TWSG1: variants seen among roughly 807,000 people sequenced by gnomAD.
The protein encoded by TWSG1 is twisted gastrulation BMP signaling modulator 1, also known as twisted gastrulation protein homolog 1.
TWSG1 carries 15 observed loss-of-function variants against 23.0 expected under a neutral mutation model. That is an observed-to-expected ratio of 0.65 (90% CI 0.44 to 1.00). The LOEUF (loss-of-function observed/expected upper bound fraction) is 1.00. TWSG1 is among the 50% of genes least tolerant of loss of function. The pLI is 0.00. For missense variants in TWSG1, 242 were observed against 278.7 expected, an observed-to-expected ratio of 0.87 and a Z score of 0.94; for synonymous variants, 86 against 92.8, an observed-to-expected ratio of 0.93 and a Z score of 0.42.
Position 9,400,187 on chromosome 18 carries a change from C to G in TWSG1, c.*660C>G, listed in dbSNP as rs920407833. On this transcript the variant is annotated 3_prime_UTR_variant, in exon 5 of 5. Coordinates refer to ENST00000262120, the MANE Select transcript of TWSG1 (RefSeq NM_020648.6). ...TTTAGAGAAAGTTTCCTATTCTCTT[C>G]CATTTCCCCTGCCCAAAGTGCTGAC... 4 of 152,168 alleles carry G rather than the reference C, an allele frequency of 2.6e-5. No homozygotes were observed. Among genetic ancestry groups the G allele is most frequent in the African/African-American group, 9.7e-5 (4 of 41,420 alleles). The allele number at this position is 152,168 out of a possible 1,614,324, so 9.4% of individuals were successfully genotyped here.
rs150441835 is a variant in TWSG1, at chr18:9,385,628, G to T, written c.224-10652G>T. 8.4e-3 allele frequency among the ~76,000 whole-genome samples: 835 copies of T among 99,158 alleles called. 272 individuals are homozygous for T. Among genetic ancestry groups the T allele is most frequent in the African/African-American group, 0.037 (790 of 21,402 alleles). The allele number at this position is 99,158 out of a possible 152,430, so 65.1% of individuals were successfully genotyped here. A position where few individuals can be genotyped will look rare whatever the true frequency, so the allele number is the denominator to read the frequency against. Reference sequence around the variant, plus strand: ...GGCGTGAACCCGGGAAGCGGAGCTTGCAGTGAGCCGAGATTGCGCCACTGC... The same window carrying T: ...GGCGTGAACCCGGGAAGCGGAGCTTTCAGTGAGCCGAGATTGCGCCACTGC... On this transcript the variant is annotated intron_variant, in intron 3 of 4. Transcript: ENST00000262120.
chr18:9,390,352 G>C (rs1372318087), intron 3 of TWSG1, among the ~76,000 whole-genome samples: 1 of 152,056 alleles, frequency 6.6e-6, no homozygotes, highest in Non-Finnish European at 1.5e-5. Flanking sequence ...TAGTAGAGAC[G>C]GGGTTTCACC....
At chr18:9,365,264 G>A (rs1337389845) in intron 3 of TWSG1, among the ~76,000 whole-genome samples, 1 of 152,192 alleles carries the variant, frequency 6.6e-6, no homozygotes, top group Non-Finnish European at 1.5e-5. Context: ...CAAGGCTGCA[G>A]TGAGCTCTGA....
At chr18:9,358,326 C>T (rs1261514656) in intron 2 of TWSG1, among the ~76,000 whole-genome samples, 1 of 152,160 alleles carries the variant, frequency 6.6e-6, no homozygotes, top group Non-Finnish European at 1.5e-5. Context: ...GTTCAAATTC[C>T]TAACAGAGAT....
intron 3 of TWSG1, chr18:9,387,960 T>C (rs2040693621): frequency 6.6e-6 from 1 of 152,248 alleles, no homozygotes; most frequent in South Asian, 2.1e-4. Context: ...TCTCCAGATG[T>C]CTCAGTGTTT....
intron 2 of TWSG1, among the ~76,000 whole-genome samples, chr18:9,354,620 A>G (rs1347385156): frequency 6.6e-6 from 1 of 152,246 alleles, no homozygotes; most frequent in Non-Finnish European, 1.5e-5. Context: ...AGGTGTGGAA[A>G]GGATTAAGAA....
chr18:9,373,363 T>G (rs996181141), intron 3 of TWSG1, among the ~76,000 whole-genome samples: 3 of 150,218 alleles, frequency 2.0e-5, no homozygotes, highest in African/African-American at 7.3e-5. Context: ...ACCCTGTCTC[T>G]ACCAAAAAAA....
At chr18:9,371,371 A>T (rs1042563763) in intron 3 of TWSG1, among the ~76,000 whole-genome samples, 5 of 147,778 alleles carry the variant, frequency 3.4e-5, no homozygotes, top group Non-Finnish European at 7.4e-5. Context: ...ATCTTGGCTC[A>T]CTGCAACCTC....
intron 3 of TWSG1, among the ~76,000 whole-genome samples, chr18:9,366,189 T>A (rs967362648): frequency 1.3e-5 from 2 of 152,196 alleles, no homozygotes; most frequent in African/African-American, 4.8e-5. Context: ...TTTGCTATAC[T>A]TAATAAATTG....
At chr18:9,349,857 C>T (rs2040493652) in intron 2 of TWSG1, among the ~76,000 whole-genome samples, 1 of 152,010 alleles carries the variant, frequency 6.6e-6, no homozygotes, top group Admixed American at 6.6e-5. Context: ...GTTGTGGTGC[C>T]ATGGCTGGGT....
At chr18:9,386,014 C>T (rs550761990) in intron 3 of TWSG1, among the ~76,000 whole-genome samples, 2 of 151,614 alleles carry the variant, frequency 1.3e-5, no homozygotes, top group African/African-American at 2.4e-5. Context: ...ACTAAAAATA[C>T]AAAAATTAGC....
chr18:9,393,626 T>C (rs2040721897), intron 3 of TWSG1, among the ~76,000 whole-genome samples: 1 of 152,182 alleles, frequency 6.6e-6, no homozygotes. Flanking sequence ...GGCACAGTCA[T>C]AGTTCACTGC....
intron 3 of TWSG1, among the ~76,000 whole-genome samples, chr18:9,366,553 G>A (rs2040579768): frequency 2.0e-5 from 3 of 152,170 alleles, no homozygotes; most frequent in South Asian, 4.1e-4. Flanking sequence ...TAACCTTGAC[G>A]GGTCTTGGCA....
intron 3 of TWSG1, among the ~76,000 whole-genome samples, chr18:9,373,283 C>G (rs1207192375): frequency 6.6e-6 from 1 of 152,106 alleles, no homozygotes; most frequent in African/African-American, 2.4e-5. Context: ...GCTCATGCCA[C>G]TTTGGGAGGC....
intron 2 of TWSG1, among the ~76,000 whole-genome samples, chr18:9,348,632 A>G (rs1171515510): frequency 6.6e-6 from 1 of 152,242 alleles, no homozygotes; most frequent in Non-Finnish European, 1.5e-5. Context: ...TACAGGGCAC[A>G]TTGACATTTT....
intron 3 of TWSG1, among the ~76,000 whole-genome samples, chr18:9,389,737 T>G (rs2040702738): frequency 6.6e-6 from 1 of 152,212 alleles, no homozygotes; most frequent in South Asian, 2.1e-4. Context: ...TTTTTAAACT[T>G]TTAATCTGAG....
chr18:9,340,192 C>T (rs2040439926), intron 2 of TWSG1, among the ~76,000 whole-genome samples: 1 of 151,796 alleles, frequency 6.6e-6, no homozygotes, highest in Admixed American at 6.6e-5. Context: ...CATGGTGAAA[C>T]CCCGTCTCTA....
chr18:9,336,595 A>T (rs148871673), intron 1 of TWSG1, among the ~76,000 whole-genome samples: 1 of 152,124 alleles, frequency 6.6e-6, no homozygotes, highest in African/African-American at 2.4e-5. Context: ...GATTCTAAGA[A>T]TTAAAATTAA....
chr18:9,364,447 G>A (rs10853379), intron 3 of TWSG1, among the ~76,000 whole-genome samples: 110,644 of 151,450 alleles, frequency 0.73, 40,629 homozygotes, highest in Middle Eastern at 0.82. Context: ...CCTTTCACCT[G>A]GTGATTTCAC....
Sources: gnomAD v4.1 joint callset for allele counts (sites outside exome capture counted in the v4.1 genomes callset) on GRCh38, gnomAD v4.1.1 for gene constraint, MANE v1.5 for transcripts, NCBI Gene and HGNC (gene_info 2026-07-23, HGNC 2026-07-21) for gene names.